MAGED1: variants seen among roughly 807,000 people sequenced by gnomAD.
MAGED1 encodes the protein melanoma-associated antigen D1.
In MAGED1, 3 loss-of-function variants were observed where a neutral mutation model predicts 54.1. The observed-to-expected ratio is 0.06, with a 90% confidence interval of 0.03 to 0.14. MAGED1 has a LOEUF of 0.14. MAGED1 is among the 10% of genes least tolerant of loss of function. MAGED1 has a pLI of 1.00. For synonymous variants in MAGED1, 217 were observed against 227.3 expected (o/e 0.95, Z 0.41); for missense variants, 485 against 623.4 (o/e 0.78, Z 2.36).
At chrX:51,827,851 G>A (rs1925913054) in intron 1 of MAGED1, among the ~76,000 whole-genome samples, 1 of 111,212 alleles carries the variant, frequency 9.0e-6, no homozygotes, top group African/African-American at 3.3e-5. Flanking sequence ...TCTATTTATG[G>A]CCTCCCTATT....
chrX:51,847,888 T>C (rs782797282), intron 1 of MAGED1, among the ~76,000 whole-genome samples: 1 of 112,468 alleles, frequency 8.9e-6, no homozygotes, highest in East Asian at 2.8e-4. Flanking sequence ...AGCATTCTTG[T>C]ACAAATTTCC....
chrX:51,834,644 T>A (rs1186030088), intron 1 of MAGED1, among the ~76,000 whole-genome samples: 1 of 111,983 alleles, frequency 8.9e-6, no homozygotes, highest in Non-Finnish European at 1.9e-5. Flanking sequence ...TCTTATTGAT[T>A]TGTAGAAGTT....
At chrX:51,889,637 A>G, upstream of MAGED1, among the ~76,000 whole-genome samples, 1 of 106,253 alleles carries the variant, frequency 9.4e-6, no homozygotes, top group East Asian at 2.9e-4. Flanking sequence ...CAAAAAAAAA[A>G]AAAAAAAAAA....
chrX:51,862,685 A>C (rs1927323855), intron 1 of MAGED1, among the ~76,000 whole-genome samples: 1 of 111,596 alleles, frequency 9.0e-6, no homozygotes, highest in African/African-American at 3.3e-5. Flanking sequence ...CTGCGTCAAA[A>C]ACTGATTTTA....
intron 1 of MAGED1, among the ~76,000 whole-genome samples, chrX:51,806,393 C>G (rs1211884278): frequency 8.9e-6 from 1 of 111,901 alleles, no homozygotes; most frequent in African/African-American, 3.3e-5. Flanking sequence ...CAATCCTGTC[C>G]TCTGTCATTG....
intron 1 of MAGED1, among the ~76,000 whole-genome samples, chrX:51,854,223 C>T (rs1271075942): frequency 8.9e-6 from 1 of 112,046 alleles, no homozygotes; most frequent in Non-Finnish European, 1.9e-5. Context: ...TACCACCCAC[C>T]TTGTACCTTT....
At chrX:51,833,284 T>C (rs1229608174) in intron 1 of MAGED1, among the ~76,000 whole-genome samples, 1 of 109,357 alleles carries the variant, frequency 9.1e-6, no homozygotes, top group East Asian at 2.9e-4. Flanking sequence ...AATAAGGTAG[T>C]GGAATTGCTC....
At chrX:51,854,149 T>A (rs1387033990) in intron 1 of MAGED1, among the ~76,000 whole-genome samples, 1 of 112,221 alleles carries the variant, frequency 8.9e-6, no homozygotes, top group East Asian at 2.8e-4. Context: ...CACACAGTTC[T>A]GTGCTTTTTT....
chrX:51,870,178 G>A (rs1361858746), intron 1 of MAGED1, among the ~76,000 whole-genome samples: 2 of 111,902 alleles, frequency 1.8e-5, no homozygotes, highest in Non-Finnish European at 3.8e-5. Flanking sequence ...TTTTATTTAT[G>A]TTGAATCAAT....
intron 2 of MAGED1, 61 bp downstream of exon 2, chrX:51,894,410 C>T: frequency 9.4e-7 from 1 of 1,061,342 alleles, no homozygotes; most frequent in South Asian, 2.0e-5. Context: ...TCCCCGCGGG[C>T]CTCTTTGGTC....
chrX:51,880,298 T>A (rs1928011912), intron 1 of MAGED1, among the ~76,000 whole-genome samples: 1 of 111,788 alleles, frequency 8.9e-6, no homozygotes, highest in South Asian at 3.8e-4. Context: ...CAGACATTGA[T>A]GAACAAATAT....
intron 1 of MAGED1, among the ~76,000 whole-genome samples, chrX:51,843,196 C>T (rs1433747038): frequency 3.6e-5 from 4 of 111,611 alleles, no homozygotes; most frequent in African/African-American, 6.5e-5. Context: ...TTTCCAGGTT[C>T]CCAGATTGTT....
intron 1 of MAGED1, among the ~76,000 whole-genome samples, chrX:51,884,044 T>C (rs1440184345): frequency 9.0e-6 from 1 of 111,206 alleles, no homozygotes; most frequent in Non-Finnish European, 1.9e-5. Flanking sequence ...GATTTAAATA[T>C]GTGTCATTGT....
intron 1 of MAGED1, among the ~76,000 whole-genome samples, chrX:51,804,200 G>A (rs1331512885): frequency 9.0e-6 from 1 of 111,668 alleles, no homozygotes; most frequent in African/African-American, 3.3e-5. Flanking sequence ...TCACAGTACC[G>A]AAATGATCAT....
chrX:51,873,560 A>AGAG (rs1557361797), intron 1 of MAGED1, among the ~76,000 whole-genome samples: 3 of 96,238 alleles, frequency 3.1e-5, no homozygotes, highest in African/African-American at 7.6e-5. Flanking sequence ...AGAGAGAGAG[A>AGAG]AGTTGGGGTA....
chrX:51,898,239 C>T (rs1557364556), intron 8 of MAGED1, 46 bp downstream of exon 8: 2 of 1,208,875 alleles, frequency 1.7e-6, no homozygotes, highest in Non-Finnish European at 1.1e-6. Context: ...AGCCTGATTT[C>T]CATGCTTATT....
At chrX:51,877,396 G>C (rs186187215) in intron 1 of MAGED1, among the ~76,000 whole-genome samples, 1 of 111,216 alleles carries the variant, frequency 9.0e-6, no homozygotes, top group Admixed American at 9.5e-5. Context: ...CACTGTTAAG[G>C]GTATGTGAGA....
At chrX:51,860,715 A>G (rs979631942) in intron 1 of MAGED1, among the ~76,000 whole-genome samples, 2 of 110,686 alleles carry the variant, frequency 1.8e-5, no homozygotes, top group Non-Finnish European at 3.8e-5. Flanking sequence ...TGAAGTATCA[A>G]TGAGATTGCC....
intron 1 of MAGED1, among the ~76,000 whole-genome samples, chrX:51,865,381 T>C (rs1557361027): frequency 8.9e-6 from 1 of 112,115 alleles, no homozygotes; most frequent in East Asian, 2.8e-4. Context: ...TAAATTAATG[T>C]ATGAATGCAT....
Sources: allele counts gnomAD v4.1 joint callset (sites outside exome capture counted in the v4.1 genomes callset), GRCh38; gene constraint gnomAD v4.1.1; transcripts MANE v1.5; gene names NCBI Gene and HGNC (gene_info 2026-07-23, HGNC 2026-07-21).